The following RDX variants were observed in gnomAD, a reference collection of about 807,000 sequenced individuals.
The protein encoded by RDX is radixin, also known as deafness, autosomal recessive 24.
Under a neutral mutation model 83.7 loss-of-function variants are expected in RDX, and 32 were observed. The observed-to-expected ratio is 0.38, with a 90% confidence interval of 0.29 to 0.51. The LOEUF is 0.51. RDX is among the 20% of genes least tolerant of loss of function. The pLI, the probability that RDX is intolerant of heterozygous loss-of-function variation, is 0.87. For missense variants in RDX, 600 were observed against 689.9 expected (o/e 0.87, Z 1.46); for synonymous variants, 229 against 222.7 (o/e 1.03, Z -0.25).
At chr11:110,295,577 C>T (rs1233270869) in intron 1 of RDX, among the ~76,000 whole-genome samples, 2 of 141,960 alleles carry the variant, frequency 1.4e-5, no homozygotes, top group Non-Finnish European at 3.0e-5. Context: ...AAAAAACCAC[C>T]AAATATTGGG....
intron 7 of RDX, among the ~76,000 whole-genome samples, chr11:110,256,161 G>T (rs894882631): frequency 2.0e-5 from 3 of 152,130 alleles, no homozygotes; most frequent in African/African-American, 7.2e-5. Context: ...TAATAACTAA[G>T]ACTGAGAAAT....
In RDX at chr11:110,247,788, C is replaced by T. The variant is rs951353740; in HGVS notation, c.1005G>A (p.Lys335=). ...TTTCACGTTCTATTCTTTCCTTTTCCTTTTCTGCTATTTCTCTTTTCTTCT... is the reference window on the plus strand; with the variant it reads ...TTTCACGTTCTATTCTTTCCTTTTCTTTTTCTGCTATTTCTCTTTTCTTCT... ...NEKKKREIAE[K]EKERIEREKE... Residue 335 remains lysine, a synonymous_variant, in exon 10 of 14, where the codon AAG becomes AAA. Transcript: ENST00000645495. 12 of 1,599,004 alleles carry T rather than the reference C, an allele frequency of 7.5e-6. No homozygotes were observed. The highest frequency in any genetic ancestry group is 1.0e-5 in the Non-Finnish European group (12 of 1,172,184).
At chr11:110,248,143 C>T (rs750855464) in intron 9 of RDX, among the ~76,000 whole-genome samples, 12 of 152,000 alleles carry the variant, frequency 7.9e-5, no homozygotes, top group Non-Finnish European at 1.8e-4. Flanking sequence ...GTACATTGCT[C>T]GAGTGACAGG....
At chr11:110,260,444 A>G (rs1859755637) in intron 5 of RDX, among the ~76,000 whole-genome samples, 1 of 151,568 alleles carries the variant, frequency 6.6e-6, no homozygotes, top group Admixed American at 6.6e-5. Context: ...CTCTTCTGGT[A>G]TTATTCTTGT....
chr11:110,178,529 C>T (rs1288263751), intron 15 of RDX, among the ~76,000 whole-genome samples: 1 of 152,230 alleles, frequency 6.6e-6, no homozygotes, highest in Admixed American at 6.5e-5. Context: ...AGGGACTCAT[C>T]TATGATGCTT....
chr11:110,264,257 A>G (rs1207267233), intron 4 of RDX, 23 bp from the exon 5 acceptor site: 7 of 1,532,538 alleles, frequency 4.6e-6, no homozygotes, highest in Non-Finnish European at 6.2e-6. Flanking sequence ...TTTCAAGTAT[A>G]ATCAACAAAA....
chr11:110,292,651 T>TAA (rs1227196700), intron 1 of RDX, among the ~76,000 whole-genome samples: 1 of 140,466 alleles, frequency 7.1e-6, no homozygotes, highest in Non-Finnish European at 1.6e-5. Context: ...ACAAATAAAT[T>TAA]AAAAAAAAAA....
At chr11:110,264,937 ATAC>A (rs1459446960) in intron 3 of RDX, 63 bp from the exon 4 acceptor site, 5 of 1,165,562 alleles carry the variant, frequency 4.3e-6, no homozygotes, top group African/African-American at 3.0e-5. Context: ...TGTCTAGATG[ATAC>A]TACACTTCAA....
At chr11:110,284,514 G>A (rs1186318522) in intron 1 of RDX, among the ~76,000 whole-genome samples, 1 of 132,336 alleles carries the variant, frequency 7.6e-6, no homozygotes, top group Non-Finnish European at 1.6e-5. Flanking sequence ...GAAAAACACA[G>A]GTATTATTAT....
At chr11:110,270,582 CT>C (rs1448281049) in intron 3 of RDX, among the ~76,000 whole-genome samples, 1 of 152,160 alleles carries the variant, frequency 6.6e-6, no homozygotes, top group Non-Finnish European at 1.5e-5. Flanking sequence ...CAATAAACCT[CT>C]GAAGAAGTAA....
chr11:110,233,569 T>C (rs555287162), intron 12 of RDX, 90 bp from the exon 13 acceptor site: 14 of 1,361,010 alleles, frequency 1.0e-5, no homozygotes, highest in Admixed American at 5.9e-5. Flanking sequence ...ATAGAAACTG[T>C]ATTTCAAGGT....
chr11:110,198,070 T>C (rs1199100810), intron 15 of RDX, among the ~76,000 whole-genome samples: 1 of 152,238 alleles, frequency 6.6e-6, no homozygotes, highest in Non-Finnish European at 1.5e-5. Context: ...GACCATTTTT[T>C]TGTCACATAA....
At chr11:110,215,532 A>G (rs1486430394) in intron 14 of RDX, among the ~76,000 whole-genome samples, 2 of 152,166 alleles carry the variant, frequency 1.3e-5, no homozygotes, top group Non-Finnish European at 2.9e-5. Context: ...CTAGAGTTAC[A>G]AGCCCACATG....
chr11:110,215,961 GAGA>G (rs1298810295), intron 14 of RDX, among the ~76,000 whole-genome samples: 2 of 152,170 alleles, frequency 1.3e-5, no homozygotes, highest in Non-Finnish European at 2.9e-5. Flanking sequence ...ACAGTTTGTT[GAGA>G]AGAATACAAA....
At chr11:110,199,015 A>T (rs911074130) in intron 15 of RDX, among the ~76,000 whole-genome samples, 2 of 152,052 alleles carry the variant, frequency 1.3e-5, no homozygotes, top group African/African-American at 4.8e-5. Flanking sequence ...GGGTTTCACC[A>T]TGTTGGCCAG....
chr11:110,203,108 T>G (rs1296313933), intron 14 of RDX, among the ~76,000 whole-genome samples: 1 of 152,136 alleles, frequency 6.6e-6, no homozygotes, highest in Non-Finnish European at 1.5e-5. Flanking sequence ...GGAAGCAACC[T>G]AAGTGTCCAT....
At chr11:110,267,366 A>G (rs1860090134) in intron 3 of RDX, among the ~76,000 whole-genome samples, 2 of 152,088 alleles carry the variant, frequency 1.3e-5, no homozygotes, top group Non-Finnish European at 2.9e-5. Flanking sequence ...TACAAAAATT[A>G]GCCAGGTGTG....
At chr11:110,253,654 G>A (rs951173269) in intron 9 of RDX, among the ~76,000 whole-genome samples, 1 of 151,936 alleles carries the variant, frequency 6.6e-6, no homozygotes, top group Non-Finnish European at 1.5e-5. Flanking sequence ...TAAGTCACAA[G>A]CAAAACAATT....
rs1444994205 is a variant in RDX, at chr11:110,231,146, ATC to A, written c.*721_*722del. 6.2e-4 allele frequency: 94 copies of A among 152,402 alleles called. 1 individual carries two copies. Among genetic ancestry groups the A allele is most frequent in the African/African-American group, 2.2e-3 (91 of 41,550 alleles). 9.4% of individuals were successfully genotyped at this position (152,402 alleles called of 1,614,324 possible). On this transcript the variant is annotated 3_prime_UTR_variant, in exon 14 of 14. Coordinates refer to ENST00000645495, the MANE Select transcript of RDX (RefSeq NM_002906.4). ...TGTGAAATGGTAGGCAAAAAAAGCC[ATC>A]AAAGGATCACAGGAGATAAAACACC...
Sources: gnomAD v4.1 joint callset for allele counts (sites outside exome capture counted in the v4.1 genomes callset) on GRCh38, gnomAD v4.1.1 for gene constraint, MANE v1.5 for transcripts, NCBI Gene and HGNC (gene_info 2026-07-23, HGNC 2026-07-21) for gene names.